SEL1L3: variants seen among roughly 807,000 people sequenced by gnomAD.
SEL1L3 encodes the protein SEL1L family member 3.
Under a neutral mutation model 142.8 loss-of-function variants are expected in SEL1L3, and 76 were observed. That is an observed-to-expected ratio of 0.53 (90% CI 0.44 to 0.64). SEL1L3 has a LOEUF of 0.64. Among genes scored for constraint, SEL1L3 ranks in the 30% least tolerant of loss-of-function variants. The pLI, the probability that SEL1L3 is intolerant of heterozygous loss-of-function variation, is 0.00. For synonymous variants in SEL1L3, 504 were observed against 519.6 expected, an observed-to-expected ratio of 0.97 and a Z score of 0.41; for missense variants, 1,262 against 1,381.7, an observed-to-expected ratio of 0.91 and a Z score of 1.37.
chr4:25,830,810 A>T (rs1715391912), intron 5 of SEL1L3, among the ~76,000 whole-genome samples: 2 of 152,226 alleles, frequency 1.3e-5, no homozygotes, highest in Admixed American at 1.3e-4. Context: ...TATGAAAGAC[A>T]AACTAACCCA....
chr4:25,755,999 G>C (rs113749662), intron 23 of SEL1L3: 2 of 985,308 alleles, frequency 2.0e-6, no homozygotes, highest in African/African-American at 1.7e-5. Flanking sequence ...GGAAGGTTTT[G>C]ATGGGTCCTT....
At chr4:25,773,335 C>T (rs979538296) in intron 17 of SEL1L3, 5 of 152,044 alleles carry the variant, frequency 3.3e-5, no homozygotes, top group Non-Finnish European at 7.4e-5. Context: ...CTGGGAGGGA[C>T]AGCAGGGGCT....
chr4:25,719,430 A>T, the SEL1L3 span: 2 of 152,164 alleles, frequency 1.3e-5, no homozygotes, highest in African/African-American at 4.8e-5. Context: ...GCTATGATTT[A>T]AAAAGTCTGT....
chr4:25,768,010 T>C (rs1718875891), intron 17 of SEL1L3, among the ~76,000 whole-genome samples, 180 bp from the exon 18 acceptor site: 1 of 152,220 alleles, frequency 6.6e-6, no homozygotes, highest in African/African-American at 2.4e-5. Context: ...ATTTATTTTC[T>C]GTCTTAAAGG....
chr4:25,857,419 T>G (rs1346290909), intron 1 of SEL1L3, among the ~76,000 whole-genome samples: 1 of 152,226 alleles, frequency 6.6e-6, no homozygotes, highest in Non-Finnish European at 1.5e-5. Context: ...CTAAGCTTGG[T>G]TTGCTCTTAT....
chr4:25,760,556 T>C (rs1289274052), intron 20 of SEL1L3, among the ~76,000 whole-genome samples: 5 of 152,208 alleles, frequency 3.3e-5, no homozygotes, highest in Non-Finnish European at 2.9e-5. Context: ...CACCGGCACC[T>C]GTTCTTTTTT....
rs769099569 is a variant in SEL1L3, at chr4:25,847,716, A to G, written c.311T>C (p.Leu104Ser). Residue 104 changes from leucine (L) to serine (S), a missense_variant, in exon 2 of 24, where the codon TTA (leucine) becomes TCA (serine). Transcript: ENST00000399878. ...ATTGACAACACAAGGCTGAGAGCATAAATACTCAACCGAGACTTCAGAAAC... is the reference window on the plus strand; with the variant it reads ...ATTGACAACACAAGGCTGAGAGCATGAATACTCAACCGAGACTTCAGAAAC... ...RNVSEVSVEY[L>S]CSQPCVVNLE... 6.2e-7 allele frequency: 1 copy of G among 1,614,014 alleles called. No homozygotes were observed. The highest frequency in any genetic ancestry group is 1.1e-5 in the South Asian group (1 of 91,088).
chr4:25,823,165 C>T (rs1352245039), intron 6 of SEL1L3, among the ~76,000 whole-genome samples: 1 of 152,170 alleles, frequency 6.6e-6, no homozygotes, highest in East Asian at 1.9e-4. Context: ...AGATATTTAA[C>T]TGTATTTTTA....
intron 1 of SEL1L3, among the ~76,000 whole-genome samples, chr4:25,855,284 G>A (rs1436157517): frequency 6.6e-6 from 1 of 152,198 alleles, no homozygotes; most frequent in Non-Finnish European, 1.5e-5. Flanking sequence ...GGCATGACAC[G>A]TGTCCAGCCT....
At chr4:25,851,203 C>T (rs761760441) in intron 1 of SEL1L3, among the ~76,000 whole-genome samples, 5 of 152,174 alleles carry the variant, frequency 3.3e-5, no homozygotes, top group Non-Finnish European at 5.9e-5. Context: ...ACACAATTCA[C>T]ACACTGAAAG....
chr4:25,742,962 G>T (rs1427259942), downstream of SEL1L3, among the ~76,000 whole-genome samples: 1 of 152,148 alleles, frequency 6.6e-6, no homozygotes, highest in Non-Finnish European at 1.5e-5. Flanking sequence ...TCACAATGAA[G>T]TCATTAAGAA....
rs1054722226 is a variant in SEL1L3 at position 25,808,989 on chromosome 4, C to T, written c.1565-4237G>A. Among the ~76,000 whole-genome samples, 18 of 146,688 alleles carry T rather than the reference C, an allele frequency of 1.2e-4. 1 individual carries two copies. Among genetic ancestry groups the T allele is most frequent in the Admixed American group, 2.7e-4 (4 of 14,554 alleles). ...TTGGGAGGGTGAGGCAGGAGAATGG[C>T]GTGAACCCGGGAGGCAGAGCTTGCA... On this transcript the variant is annotated intron_variant, in intron 9 of 23. Transcript: ENST00000399878.
the SEL1L3 span, among the ~76,000 whole-genome samples, chr4:25,740,906 T>A: frequency 6.6e-6 from 1 of 151,880 alleles, no homozygotes; most frequent in Non-Finnish European, 1.5e-5. Flanking sequence ...TGCCTCAGCC[T>A]CCCAAATATC....
intron 11 of SEL1L3, among the ~76,000 whole-genome samples, chr4:25,795,689 C>A (rs1406351621): frequency 6.6e-6 from 1 of 152,338 alleles, no homozygotes; most frequent in South Asian, 2.1e-4. Flanking sequence ...GGAGCCACCA[C>A]ACGCTGCCTG....
At chr4:25,777,029 C>A (rs73258098) in intron 16 of SEL1L3, among the ~76,000 whole-genome samples, 9,808 of 151,082 alleles carry the variant, frequency 0.065, 383 homozygotes, top group Non-Finnish European at 0.083. Flanking sequence ...TTTAAAAATA[C>A]AAAAAATAAA....
chr4:25,852,973 C>T (rs1201320401), intron 1 of SEL1L3, among the ~76,000 whole-genome samples: 1 of 152,212 alleles, frequency 6.6e-6, no homozygotes, highest in Non-Finnish European at 1.5e-5. Context: ...TATTTTACAT[C>T]TTACTGCTAA....
chr4:25,776,478 T>A, intron 16 of SEL1L3, 118 bp from the exon 17 acceptor site: 3 of 699,532 alleles, frequency 4.3e-6, no homozygotes, highest in Non-Finnish European at 7.4e-6. Context: ...AGAATTTTTA[T>A]AGAGCAACAA....
At chr4:25,818,027 TA>T in intron 9 of SEL1L3, 110 bp downstream of exon 9, 1 of 1,125,638 alleles carries the variant, frequency 8.9e-7, no homozygotes. Flanking sequence ...ACTAAAACAC[TA>T]GGGTTAAAAA....
rs760075411 is a variant in SEL1L3 at position 25,835,294 on chromosome 4, C to CA, written c.762dup (p.Ala255CysfsTer58). ...ATGCCTGTGTTTTCTCCACTGGAGG[C>CA]ATAAGGAAAGCCAAGCAGGGCAACC... On this transcript the variant is annotated frameshift_variant, in exon 3 of 24. Transcript: ENST00000399878. LOFTEE classifies it high-confidence loss of function. 1 of 1,613,952 alleles carries CA rather than the reference C, an allele frequency of 6.2e-7. No homozygotes were observed. The highest frequency in any genetic ancestry group is 8.5e-7 in the Non-Finnish European group (1 of 1,179,844).
Sources: allele counts gnomAD v4.1 joint callset (sites outside exome capture counted in the v4.1 genomes callset), GRCh38; gene constraint gnomAD v4.1.1; transcripts MANE v1.5; gene names NCBI Gene and HGNC (gene_info 2026-07-23, HGNC 2026-07-21).